PERP: variants seen among roughly 807,000 people sequenced by gnomAD.
PERP encodes the protein p53 apoptosis effector related to PMP-22.
Under a neutral mutation model 20.3 loss-of-function variants are expected in PERP, and 11 were observed. The observed-to-expected ratio is 0.54, with a 90% confidence interval of 0.34 to 0.90. The LOEUF is 0.90. Ranked by LOEUF, PERP falls within the 40% of genes least tolerant of loss-of-function variation. PERP has a pLI of 0.02. For missense variants in PERP, 224 were observed against 249.4 expected (o/e 0.90, Z 0.69); for synonymous variants, 101 against 102.0 (o/e 0.99, Z 0.06).
intron 1 of PERP, among the ~76,000 whole-genome samples, chr6:138,100,542 TTGTG>T (rs58385691): frequency 0.038 from 5,516 of 146,204 alleles, 106 homozygotes; most frequent in African/African-American, 0.052. Flanking sequence ...TATACCAGAT[TTGTG>T]TGTGTGTGTG....
chr6:138,097,156 G>A (rs1301769817), intron 1 of PERP, among the ~76,000 whole-genome samples: 1 of 152,094 alleles, frequency 6.6e-6, no homozygotes, highest in Non-Finnish European at 1.5e-5. Flanking sequence ...AAAATGTATT[G>A]CACAAGAGAT....
Position 138,091,918 on chromosome 6 carries a change from ATT to A in PERP, c.*122_*123del. On this transcript the variant is annotated 3_prime_UTR_variant, in exon 3 of 3. Coordinates refer to ENST00000421351, the MANE Select transcript of PERP (RefSeq NM_022121.5). ...ATATTTTCTCCCAAATTATTTTAGC[ATT>A]TTTGACTAGTTTAATAATATGAACA... The A allele has an allele frequency of 1.4e-6, 1 of 726,112 alleles. No individual in the cohort carries two copies. The highest frequency in any genetic ancestry group is 2.2e-6 in the Non-Finnish European group (1 of 449,062). 45.0% of individuals were successfully genotyped at this position (726,112 alleles called of 1,614,324 possible). A position where few individuals can be genotyped will look rare whatever the true frequency, so the allele number is the denominator to read the frequency against.
At chr6:138,095,504 C>G (rs2114333171) in intron 2 of PERP, among the ~76,000 whole-genome samples, 1 of 152,316 alleles carries the variant, frequency 6.6e-6, no homozygotes, top group East Asian at 1.9e-4. Context: ...CATCTGCTCA[C>G]TTTGTATTTG....
rs182166798 is a variant in PERP, at chr6:138,096,272, G to A, written c.355+82C>T. On this transcript the variant is annotated intron_variant, in intron 2 of 2. Coordinates refer to ENST00000421351, the MANE Select transcript of PERP (RefSeq NM_022121.5). ...ACAGATTAGAAACTGTAACAGTCAC[G>A]GGTCTTCTTTGTGGAATTGACCATT... The A allele has an allele frequency of 1.0e-4, 153 of 1,496,240 alleles. 1 individual carries two copies. The East Asian group carries it at 1.5e-3, about 15-fold the overall frequency. The allele number at this position is 1,496,240 out of a possible 1,614,324, so 92.7% of individuals were successfully genotyped here.
chr6:138,102,228 T>G (rs566041188), intron 1 of PERP, among the ~76,000 whole-genome samples: 2 of 152,240 alleles, frequency 1.3e-5, no homozygotes, highest in African/African-American at 4.8e-5. Context: ...AACCTTCTTT[T>G]AGACGATTTA....
intron 1 of PERP, among the ~76,000 whole-genome samples, chr6:138,105,350 G>GA (rs1775826708): frequency 6.6e-6 from 1 of 151,950 alleles, no homozygotes; most frequent in East Asian, 1.9e-4. Flanking sequence ...TCTTTACAAT[G>GA]AAAAAAATTA....
intron 1 of PERP, among the ~76,000 whole-genome samples, chr6:138,105,630 G>A (rs1775830043): frequency 6.6e-6 from 1 of 152,212 alleles, no homozygotes; most frequent in African/African-American, 2.4e-5. Flanking sequence ...TCAAAGGCAC[G>A]CTAGTCTTAC....
At chr6:138,097,907 C>G (rs915010156) in intron 1 of PERP, among the ~76,000 whole-genome samples, 1 of 152,200 alleles carries the variant, frequency 6.6e-6, no homozygotes, top group Admixed American at 6.5e-5. Context: ...CCTCCATCCC[C>G]TCTTCCTCCA....
At chr6:138,101,827 A>G (rs1401925402) in intron 1 of PERP, among the ~76,000 whole-genome samples, 1 of 152,250 alleles carries the variant, frequency 6.6e-6, no homozygotes, top group Non-Finnish European at 1.5e-5. Flanking sequence ...TGCATAGTCA[A>G]TGAGGAGGTA....
At chr6:138,102,802 A>G (rs969453964) in intron 1 of PERP, among the ~76,000 whole-genome samples, 1 of 152,114 alleles carries the variant, frequency 6.6e-6, no homozygotes, top group Non-Finnish European at 1.5e-5. Context: ...GCTCGTGCAA[A>G]GAGTAATCTG....
chr6:138,098,935 A>T (rs1191016845), intron 1 of PERP, among the ~76,000 whole-genome samples: 1 of 152,146 alleles, frequency 6.6e-6, no homozygotes, highest in Non-Finnish European at 1.5e-5. Context: ...TTTTATTTTA[A>T]AATAGAAAGG....
chr6:138,092,143 T>C lies in PERP; in HGVS notation c.481A>G (p.Ile161Val). Residue 161 changes from isoleucine to valine, a missense_variant, in exon 3 of 3, where the codon ATT becomes GTT. Coordinates refer to ENST00000421351, the MANE Select transcript of PERP (RefSeq NM_022121.5). ...AAGAAGGCACAGCCAATCAGGATAA[T>C]CGTGGCTGCCCACCCAAAGCCGTAG... ...WAYGFGWAAT[I>V]ILIGCAFFFC... 1 of 1,614,080 alleles carries C rather than the reference T, an allele frequency of 6.2e-7. No homozygotes were observed. The highest frequency in any genetic ancestry group is 8.5e-7 in the Non-Finnish European group (1 of 1,180,004).
rs768544813 is a variant in PERP at position 138,089,089 on chromosome 6, T to C, written c.*2953A>G. 1.1e-4 allele frequency: 16 copies of C among 152,244 alleles called. No individual in the cohort carries two copies. The highest frequency in any genetic ancestry group is 3.4e-3 in the Middle Eastern group (1 of 294). 9.4% of individuals were successfully genotyped at this position (152,244 alleles called of 1,614,324 possible). A position where few individuals can be genotyped will look rare whatever the true frequency, so the allele number is the denominator to read the frequency against. On this transcript the variant is annotated 3_prime_UTR_variant, in exon 3 of 3. Coordinates refer to ENST00000421351, the MANE Select transcript of PERP (RefSeq NM_022121.5). ...GAGAATCTTGAAGGTAGGGGGATCA[T>C]TTACAATCATTTTACAGGTGAGGAT... is the stretch of plus-strand genomic sequence containing the variant.
intron 1 of PERP, among the ~76,000 whole-genome samples, chr6:138,097,773 G>A (rs188649212): frequency 1.4e-4 from 21 of 152,132 alleles, no homozygotes; most frequent in Non-Finnish European, 2.5e-4. Context: ...TATAAAGTTC[G>A]CCCTTTTAAA....
rs75018882 is a variant in PERP at position 138,096,310 on chromosome 6, C to A, written c.355+44G>T. ...GGAATTGACCATTACTAAGTCGATGCCCACTGAAGGCATAAATGAAGAATT... is the reference window on the plus strand; with the variant it reads ...GGAATTGACCATTACTAAGTCGATGACCACTGAAGGCATAAATGAAGAATT... On this transcript the variant is annotated intron_variant, in intron 2 of 2. Coordinates refer to ENST00000421351, the MANE Select transcript of PERP (RefSeq NM_022121.5). 6 of 1,604,612 alleles carry A rather than the reference C, an allele frequency of 3.7e-6. No homozygotes were observed. In the Admixed American group the frequency reaches 8.5e-5, roughly 23 times the overall value.
In PERP at chr6:138,092,091, T is replaced by C. The variant is rs1234636627; in HGVS notation, c.533A>G (p.Asp178Gly). 4 of 1,613,924 alleles carry C rather than the reference T, an allele frequency of 2.5e-6. No individual in the cohort carries two copies. The highest frequency in any genetic ancestry group is 2.5e-6 in the Non-Finnish European group (3 of 1,179,976). ...FFFCCLPNYE[D>G]DLLGNAKPRY... ...GGGCTTGGCATTGCCCAGAAGGTCATCTTCGTAGTTGGGGAGGCAGCAGAA... is the reference window on the plus strand; with the variant it reads ...GGGCTTGGCATTGCCCAGAAGGTCACCTTCGTAGTTGGGGAGGCAGCAGAA... The change falls in exon 3 of 3, where the codon GAT becomes GGT. Residue 178 changes from aspartate to glycine, a missense_variant. Transcript: ENST00000421351.
Position 138,091,530 on chromosome 6 carries a change from G to A in PERP, c.*512C>T, listed in dbSNP as rs182308008. 1.7e-3 allele frequency: 255 copies of A among 152,698 alleles called. 1 individual carries two copies. Among genetic ancestry groups the A allele is most frequent in the Non-Finnish European group, 3.1e-3 (212 of 68,358 alleles). 9.5% of individuals were successfully genotyped at this position (152,698 alleles called of 1,614,324 possible). A position where few individuals can be genotyped will look rare whatever the true frequency, so the allele number is the denominator to read the frequency against. On this transcript the variant is annotated 3_prime_UTR_variant, in exon 3 of 3. Transcript: ENST00000421351. ...ATTCTCACAAATGATATGCATTTAGGAAATGATTTTGCTTTCCTTAAATAG... is the reference window on the plus strand; with the variant it reads ...ATTCTCACAAATGATATGCATTTAGAAAATGATTTTGCTTTCCTTAAATAG...
intron 1 of PERP, among the ~76,000 whole-genome samples, chr6:138,104,686 G>A (rs1443465280): frequency 6.6e-6 from 1 of 152,160 alleles, no homozygotes; most frequent in Non-Finnish European, 1.5e-5. Flanking sequence ...ATATCAAGAA[G>A]TTTTTCAAAG....
chr6:138,105,798 A>C (rs184878043), intron 1 of PERP, among the ~76,000 whole-genome samples: 11 of 152,366 alleles, frequency 7.2e-5, no homozygotes, highest in African/African-American at 2.4e-4. Context: ...ATAGAGGTAC[A>C]TTATTTCAAA....
Sources: allele counts gnomAD v4.1 joint callset (sites outside exome capture counted in the v4.1 genomes callset), GRCh38; gene constraint gnomAD v4.1.1; transcripts MANE v1.5; gene names NCBI Gene and HGNC (gene_info 2026-07-23, HGNC 2026-07-21).